The following CAST variants were observed in gnomAD, a reference collection of about 807,000 sequenced individuals.
The protein encoded by CAST is MIR583 host.
Under a neutral mutation model 119.6 loss-of-function variants are expected in CAST, and 76 were observed. That is an observed-to-expected ratio of 0.64 (90% CI 0.53 to 0.77). The LOEUF is 0.77. CAST is among the 30% of genes least tolerant of loss of function. CAST has a pLI of 0.00. For synonymous variants in CAST, 319 were observed against 331.6 expected, an observed-to-expected ratio of 0.96 and a Z score of 0.41; for missense variants, 953 against 946.5, an observed-to-expected ratio of 1.01 and a Z score of -0.09.
At chr5:96,352,427 G>A in the CAST span, among the ~76,000 whole-genome samples, 1 of 152,076 alleles carries the variant, frequency 6.6e-6, no homozygotes. Context: ...TAACATAATT[G>A]ACTAGCAATG....
the CAST span, among the ~76,000 whole-genome samples, chr5:96,164,017 T>C: frequency 6.6e-6 from 1 of 152,146 alleles, no homozygotes; most frequent in Non-Finnish European, 1.5e-5. Context: ...GTTGTAAGAA[T>C]TAGATGAATT....
the CAST span, among the ~76,000 whole-genome samples, chr5:96,139,596 T>C: frequency 6.6e-6 from 1 of 151,040 alleles, no homozygotes; most frequent in Admixed American, 6.6e-5. Context: ...GTTATGTTTA[T>C]TTTTTATGAA....
the CAST span, chr5:96,425,841 C>A: frequency 1.3e-6 from 2 of 1,597,162 alleles, no homozygotes; most frequent in African/African-American, 1.3e-5. Context: ...GCTGATTCCA[C>A]ATGGGATCAT....
chr5:96,565,775 C>T (rs771696340), intron 1 of CAST, among the ~76,000 whole-genome samples: 5 of 152,144 alleles, frequency 3.3e-5, no homozygotes, highest in Non-Finnish European at 5.9e-5. Context: ...TGAGATGTAC[C>T]GGGCAGAAGG....
intron 24 of CAST, among the ~76,000 whole-genome samples, chr5:96,759,343 CACTTA>C (rs1767155475): frequency 1.3e-5 from 2 of 152,016 alleles, no homozygotes; most frequent in South Asian, 4.1e-4. Context: ...TAAAAAGAAA[CACTTA>C]AAACTATTCC....
chr5:96,368,822 A>G, the CAST span, among the ~76,000 whole-genome samples: 1 of 152,144 alleles, frequency 6.6e-6, no homozygotes, highest in African/African-American at 2.4e-5. Context: ...GCTTGTCTAA[A>G]AATAATTTCC....
the CAST span, among the ~76,000 whole-genome samples, chr5:96,111,276 G>A: frequency 3.5e-4 from 53 of 152,196 alleles, no homozygotes; most frequent in Non-Finnish European, 6.9e-4. Context: ...CCAGCCAATG[G>A]TCCTAGGTAC....
the CAST span, among the ~76,000 whole-genome samples, chr5:96,075,510 C>A: frequency 2.0e-5 from 3 of 152,130 alleles, no homozygotes; most frequent in African/African-American, 7.2e-5. Flanking sequence ...GGACTCGAAA[C>A]CAATTTTTCA....
the CAST span, among the ~76,000 whole-genome samples, chr5:96,229,684 A>G: frequency 6.6e-6 from 1 of 152,142 alleles, no homozygotes; most frequent in South Asian, 2.1e-4. Flanking sequence ...ATTGTGTTTT[A>G]AGGAATAATG....
At chr5:96,109,468 G>A in the CAST span, among the ~76,000 whole-genome samples, 1 of 152,130 alleles carries the variant, frequency 6.6e-6, no homozygotes, top group Admixed American at 6.5e-5. Context: ...ATGTTGATGA[G>A]GCTTTGAGAC....
At chr5:96,427,071 A>C in the CAST span, among the ~76,000 whole-genome samples, 1 of 152,200 alleles carries the variant, frequency 6.6e-6, no homozygotes, top group Non-Finnish European at 1.5e-5. Flanking sequence ...ATAAGTACTA[A>C]TCTTTGAGGT....
the CAST span, among the ~76,000 whole-genome samples, chr5:96,343,611 G>A: frequency 6.6e-6 from 1 of 152,148 alleles, no homozygotes; most frequent in Non-Finnish European, 1.5e-5. Flanking sequence ...ACAAAGGATT[G>A]CCTTTAACTT....
At chr5:95,983,585 T>C in the CAST span, among the ~76,000 whole-genome samples, 5 of 152,226 alleles carry the variant, frequency 3.3e-5, no homozygotes, top group Non-Finnish European at 7.4e-5. Flanking sequence ...TCAAATATTG[T>C]ATGTGAATAC....
chr5:96,763,252 T>A (rs762248019), intron 25 of CAST: 1 of 780,696 alleles, frequency 1.3e-6, no homozygotes, highest in Non-Finnish European at 2.4e-6. Context: ...GAGGCACAAA[T>A]GACAAAGCCC....
the CAST span, among the ~76,000 whole-genome samples, chr5:96,206,766 G>T: frequency 2.6e-5 from 4 of 152,042 alleles, no homozygotes; most frequent in African/African-American, 9.7e-5. Flanking sequence ...TTTTTGCTTA[G>T]GATTGTCGTG....
chr5:96,654,377 C>A (rs1331514592), intron 1 of CAST, among the ~76,000 whole-genome samples: 1 of 152,066 alleles, frequency 6.6e-6, no homozygotes, highest in Non-Finnish European at 1.5e-5. Context: ...TCACTACTTT[C>A]CTCATTTATG....
At chr5:96,262,325 G>A in the CAST span, among the ~76,000 whole-genome samples, 18 of 152,104 alleles carry the variant, frequency 1.2e-4, no homozygotes, top group Admixed American at 1.0e-3. Context: ...CCACTGCACC[G>A]AGGAAAAACA....
the CAST span, chr5:96,425,744 T>C: frequency 8.1e-6 from 6 of 745,192 alleles, no homozygotes; most frequent in Admixed American, 2.2e-5. Context: ...AAAAAAAAAA[T>C]CCATGTTGCA....
At chr5:96,118,225 T>C in the CAST span, among the ~76,000 whole-genome samples, 35 of 149,280 alleles carry the variant, frequency 2.3e-4, no homozygotes, top group African/African-American at 6.1e-4. Context: ...TTCTCTCTCT[T>C]TTTTTTTTTA....
Sources: allele counts gnomAD v4.1 joint callset (sites outside exome capture counted in the v4.1 genomes callset), GRCh38; gene constraint gnomAD v4.1.1; transcripts MANE v1.5; gene names NCBI Gene and HGNC (gene_info 2026-07-23, HGNC 2026-07-21).